The following KCNIP1 variants were observed in gnomAD, a reference collection of about 807,000 sequenced individuals.
KCNIP1 encodes the protein A-type potassium channel modulatory protein KCNIP1.
KCNIP1 carries 18 observed loss-of-function variants against 33.0 expected under a neutral mutation model. That is an observed-to-expected ratio of 0.55 (90% CI 0.38 to 0.81). The LOEUF is 0.81. Among genes scored for constraint, KCNIP1 ranks in the 30% least tolerant of loss-of-function variants. The pLI, the probability that KCNIP1 is intolerant of heterozygous loss-of-function variation, is 0.00. For synonymous variants in KCNIP1, 93 were observed against 98.3 expected (o/e 0.95, Z 0.32); for missense variants, 238 against 271.6 (o/e 0.88, Z 0.87).
chr5:170,604,283 A>G (rs781383218), intron 1 of KCNIP1, among the ~76,000 whole-genome samples: 4 of 152,112 alleles, frequency 2.6e-5, no homozygotes, highest in Non-Finnish European at 5.9e-5. Context: ...TGGACTTGGG[A>G]ACATACTGGT....
chr5:170,479,938 T>G lies in KCNIP1; in HGVS notation c.88+125974T>G, dbSNP rs1756940651. ...TTGAAACAATTAAAAATTCCCAAACTTATAAACCATTGTTTACAAAATTAT... is the reference window on the plus strand; with the variant it reads ...TTGAAACAATTAAAAATTCCCAAACGTATAAACCATTGTTTACAAAATTAT... On this transcript the variant is annotated intron_variant, in intron 1 of 7. Transcript: ENST00000377360. 2.0e-5 allele frequency among the ~76,000 whole-genome samples: 3 copies of G among 152,342 alleles called. No individual in the cohort carries two copies. The South Asian group carries it at 6.2e-4, about 32-fold the overall frequency.
chr5:170,355,405 C>G (rs17072570), intron 1 of KCNIP1, among the ~76,000 whole-genome samples: 1 of 152,130 alleles, frequency 6.6e-6, no homozygotes, highest in African/African-American at 2.4e-5. Context: ...GGTTTTCTTT[C>G]CTCATTACAG....
At chr5:170,385,411 C>T (rs776969311) in intron 1 of KCNIP1, 11 of 1,614,108 alleles carry the variant, frequency 6.8e-6, no homozygotes, top group Non-Finnish European at 9.3e-6. Flanking sequence ...GCTCGTGTCT[C>T]TCCCCGCTTC....
At chr5:170,612,982 G>A (rs956345849) in intron 1 of KCNIP1, among the ~76,000 whole-genome samples, 1 of 152,066 alleles carries the variant, frequency 6.6e-6, no homozygotes, top group Non-Finnish European at 1.5e-5. Context: ...GCTAAGTCCT[G>A]GTCCCATCCG....
In KCNIP1 at chr5:170,654,189, T is replaced by C. The variant is rs530299950; in HGVS notation, c.62-64569T>C. ...AGGCTGCCCTGGTCCCTGCAACCGCTATGAGCTGCCTTTTCTGAGCTCTTC... is the reference window on the plus strand; with the variant it reads ...AGGCTGCCCTGGTCCCTGCAACCGCCATGAGCTGCCTTTTCTGAGCTCTTC... On this transcript the variant is annotated intron_variant, in intron 1 of 7. Transcript: ENST00000328939. 5.3e-3 allele frequency among the ~76,000 whole-genome samples: 803 copies of C among 152,294 alleles called. 8 individuals are homozygous for C. Among genetic ancestry groups the C allele is most frequent in the Middle Eastern group, 0.037 (11 of 294 alleles).
intron 1 of KCNIP1, among the ~76,000 whole-genome samples, chr5:170,674,964 G>A (rs560943066): frequency 7.5e-5 from 10 of 132,808 alleles, no homozygotes; most frequent in African/African-American, 3.1e-4. Context: ...ATGCACAGAG[G>A]GTTTTGTTTT....
intron 1 of KCNIP1, among the ~76,000 whole-genome samples, chr5:170,365,641 C>T (rs1047608430): frequency 7.9e-5 from 12 of 152,190 alleles, no homozygotes; most frequent in Non-Finnish European, 1.0e-4. Context: ...GGGCTGCAGA[C>T]GCAGCTGGCT....
intron 1 of KCNIP1, among the ~76,000 whole-genome samples, chr5:170,616,266 C>T (rs928843322): frequency 1.3e-5 from 2 of 152,116 alleles, no homozygotes; most frequent in Non-Finnish European, 2.9e-5. Context: ...TAACTGTTTT[C>T]TTCATTTATT....
chr5:170,718,810 A>G lies in KCNIP1; in HGVS notation c.114A>G (p.Gly38=). ...CCATGGTTTGCCATCGGCCCGAGGG[A>G]CTGGAGCAGCTCGAGGCCCAGACCA... ...EMTMVCHRPE[G]LEQLEAQTNF... Residue 38 remains glycine (G), a synonymous_variant, in exon 2 of 8, where the codon GGA becomes GGG. Coordinates refer to ENST00000328939, the MANE Select transcript of KCNIP1 (RefSeq NM_014592.4). The G allele has an allele frequency of 6.2e-7, 1 of 1,610,960 alleles. No individual in the cohort carries two copies. Among genetic ancestry groups the G allele is most frequent in the Non-Finnish European group, 8.5e-7 (1 of 1,179,028 alleles).
chr5:170,723,843 G>A (rs1240204280), intron 5 of KCNIP1, among the ~76,000 whole-genome samples: 2 of 152,170 alleles, frequency 1.3e-5, no homozygotes, highest in East Asian at 3.9e-4. Context: ...CAAAAAGCCA[G>A]GAAAAGTGTT....
At chr5:170,461,879 A>C (rs530883661) in intron 1 of KCNIP1, among the ~76,000 whole-genome samples, 4 of 152,220 alleles carry the variant, frequency 2.6e-5, no homozygotes, top group African/African-American at 9.6e-5. Context: ...CACCTCATTC[A>C]AGGAATAGTG....
At chr5:170,719,359 G>A (rs1763741496) in intron 2 of KCNIP1, among the ~76,000 whole-genome samples, 1 of 152,174 alleles carries the variant, frequency 6.6e-6, no homozygotes, top group South Asian at 2.1e-4. Context: ...CTCCTTGGAA[G>A]CCACATGGAA....
At chr5:170,427,582 A>G (rs1483630607) in intron 1 of KCNIP1, among the ~76,000 whole-genome samples, 1 of 152,146 alleles carries the variant, frequency 6.6e-6, no homozygotes, top group Non-Finnish European at 1.5e-5. Context: ...GAACCACTGT[A>G]TCCTCACCCA....
rs562177002 is a variant in KCNIP1, at chr5:170,718,975, A to G, written c.186+93A>G. 456 of 1,502,382 alleles carry G rather than the reference A, an allele frequency of 3.0e-4. 4 individuals are homozygous for G. The South Asian group carries it at 5.1e-3, about 17-fold the overall frequency. The allele number at this position is 1,502,382 out of a possible 1,614,324, so 93.1% of individuals were successfully genotyped here. On this transcript the variant is annotated intron_variant, in intron 2 of 7. Coordinates refer to ENST00000328939, the MANE Select transcript of KCNIP1 (RefSeq NM_014592.4). ...CAAGGGAGCTCATAAGGCGTTTCCC[A>G]TATGTGAGGCTGTACAAGGAAGGCC...
chr5:170,367,032 C>A (rs967042547), intron 1 of KCNIP1, among the ~76,000 whole-genome samples: 1 of 152,110 alleles, frequency 6.6e-6, no homozygotes, highest in African/African-American at 2.4e-5. Flanking sequence ...TATTTAAGAA[C>A]GTGCAGTCTG....
chr5:170,695,365 A>G (rs950828461), intron 1 of KCNIP1, among the ~76,000 whole-genome samples: 3 of 152,262 alleles, frequency 2.0e-5, no homozygotes, highest in Non-Finnish European at 4.4e-5. Flanking sequence ...AATCTGCTCC[A>G]GAACCCAGAT....
At chr5:170,591,875 T>C (rs577804197) in intron 1 of KCNIP1, among the ~76,000 whole-genome samples, 1 of 152,368 alleles carries the variant, frequency 6.6e-6, no homozygotes, top group South Asian at 2.1e-4. Flanking sequence ...TCCACCTTTT[T>C]TTGCTATTGT....
At chr5:170,644,580 G>A (rs190758535) in intron 1 of KCNIP1, among the ~76,000 whole-genome samples, 1 of 152,186 alleles carries the variant, frequency 6.6e-6, no homozygotes, top group Non-Finnish European at 1.5e-5. Flanking sequence ...AGACAAAAAT[G>A]ATGAGTGACT....
At chr5:170,380,292 C>A (rs1764187463) in intron 1 of KCNIP1, among the ~76,000 whole-genome samples, 1 of 152,216 alleles carries the variant, frequency 6.6e-6, no homozygotes, top group African/African-American at 2.4e-5. Flanking sequence ...ACAGGGCCCC[C>A]ATAGCCCAGG....
Sources: gnomAD v4.1 joint callset for allele counts (sites outside exome capture counted in the v4.1 genomes callset) on GRCh38, gnomAD v4.1.1 for gene constraint, MANE v1.5 for transcripts, NCBI Gene and HGNC (gene_info 2026-07-23, HGNC 2026-07-21) for gene names.